ZNF423: variants seen among roughly 807,000 people sequenced by gnomAD.
ZNF423 encodes the protein Ebf-associated zinc finger protein.
In ZNF423, 12 loss-of-function variants were observed where a neutral mutation model predicts 95.8. That is an observed-to-expected ratio of 0.13 (90% CI 0.08 to 0.20). The LOEUF is 0.20. Ranked by LOEUF, ZNF423 falls within the 10% of genes least tolerant of loss-of-function variation. The pLI is 1.00. For synonymous variants in ZNF423, 749 were observed against 711.9 expected (o/e 1.05, Z -0.83); for missense variants, 1,316 against 1,737.1 (o/e 0.76, Z 4.31).
chr16:49,503,154 G>A (rs7194384), intron 7 of ZNF423, among the ~76,000 whole-genome samples: 22,420 of 151,788 alleles, frequency 0.15, 1,981 homozygotes, highest in African/African-American at 0.25. Flanking sequence ...TTGGCCTTCT[G>A]TCTACCCTGT....
At chr16:49,660,767 C>G (rs756135741) in intron 3 of ZNF423, among the ~76,000 whole-genome samples, 13 of 151,594 alleles carry the variant, frequency 8.6e-5, no homozygotes, top group Non-Finnish European at 1.8e-4. Flanking sequence ...CTCAGCTACA[C>G]AGCCTCAGCC....
intron 2 of ZNF423, among the ~76,000 whole-genome samples, chr16:49,748,514 A>G (rs2033568763): frequency 6.6e-6 from 1 of 152,180 alleles, no homozygotes; most frequent in East Asian, 1.9e-4. Context: ...GCCCCCTTCC[A>G]GGAGTGCACA....
At chr16:49,757,183 T>A (rs4785341) in intron 2 of ZNF423, among the ~76,000 whole-genome samples, 72,903 of 152,132 alleles carry the variant, frequency 0.48, 17,823 homozygotes, top group African/African-American at 0.57. Flanking sequence ...AATAGACTTT[T>A]AATCAACGCT....
intron 1 of ZNF423, chr16:49,822,634 T>G: frequency 1.3e-6 from 2 of 1,558,788 alleles, no homozygotes; most frequent in African/African-American, 1.4e-5. Flanking sequence ...CTACTTCCCT[T>G]GCCCCACCCC....
chr16:49,798,394 G>A (rs1203915458), intron 1 of ZNF423, among the ~76,000 whole-genome samples: 1 of 152,064 alleles, frequency 6.6e-6, no homozygotes, highest in African/African-American at 2.4e-5. Flanking sequence ...TATAATCCCA[G>A]CTACTCAGAA....
At chr16:49,522,974 G>T (rs1348247506) in intron 7 of ZNF423, among the ~76,000 whole-genome samples, 1 of 152,156 alleles carries the variant, frequency 6.6e-6, no homozygotes, top group Non-Finnish European at 1.5e-5. Context: ...GTGAAATGGG[G>T]CCCCATGGGA....
intron 5 of ZNF423, among the ~76,000 whole-genome samples, chr16:49,533,415 AG>A (rs1002615744): frequency 6.6e-6 from 1 of 152,216 alleles, no homozygotes; most frequent in African/African-American, 2.4e-5. Context: ...ATCTGGCCAA[AG>A]CCTGTCTCCA....
intron 2 of ZNF423, among the ~76,000 whole-genome samples, chr16:49,778,192 AGT>A (rs747649464): frequency 1.3e-5 from 2 of 151,582 alleles, no homozygotes; most frequent in South Asian, 4.2e-4. Context: ...TGTGTGTGAG[AGT>A]GTGTGTGTGT....
At chr16:49,556,862 C>G (rs934577302) in intron 5 of ZNF423, among the ~76,000 whole-genome samples, 1 of 152,224 alleles carries the variant, frequency 6.6e-6, no homozygotes, top group African/African-American at 2.4e-5. Context: ...GCACACTTTA[C>G]GGTGAACAGA....
rs116868856 is a variant in ZNF423, at chr16:49,836,314, T to C, written c.40+19421A>G. 4.1e-4 allele frequency among the ~76,000 whole-genome samples: 62 copies of C among 151,858 alleles called. 1 individual carries two copies. The East Asian group carries it at 0.011, about 27-fold the overall frequency. On this transcript the variant is annotated intron_variant, in intron 1 of 7. Transcript: ENST00000563137. The stretch of plus-strand genomic sequence containing the variant: ...TGGGACATCCTCCACCTCCAACCTG[T>C]CCAAGCTGCTTCTCTCCCAAGTGAG...
intron 5 of ZNF423, among the ~76,000 whole-genome samples, chr16:49,609,468 T>C (rs976982319): frequency 2.6e-5 from 4 of 151,938 alleles, no homozygotes; most frequent in African/African-American, 9.7e-5. Context: ...ACAATTATGA[T>C]CATCCTTGAA....
chr16:49,622,854 G>C (rs983394686), intron 5 of ZNF423, among the ~76,000 whole-genome samples: 1 of 152,240 alleles, frequency 6.6e-6, no homozygotes, highest in Non-Finnish European at 1.5e-5. Flanking sequence ...GTCAGTAGCA[G>C]CTGTTAGCAT....
intron 1 of ZNF423, among the ~76,000 whole-genome samples, chr16:49,839,260 GC>G (rs1369855660): frequency 6.6e-6 from 1 of 152,002 alleles, no homozygotes. Flanking sequence ...GGAAATCTCG[GC>G]CCCCACACCC....
At chr16:49,829,349 C>T (rs2035038810) in intron 1 of ZNF423, among the ~76,000 whole-genome samples, 1 of 152,180 alleles carries the variant, frequency 6.6e-6, no homozygotes, top group African/African-American at 2.4e-5. Flanking sequence ...AGGGAGTCCC[C>T]AGCAGTGTAA....
At chr16:49,789,681 A>G in intron 1 of ZNF423, 135 bp from the exon 2 acceptor site, 1 of 755,964 alleles carries the variant, frequency 1.3e-6, no homozygotes, top group East Asian at 3.2e-5. Context: ...GAGGGGGCAA[A>G]GCCTACAAAG....
chr16:49,752,602 C>G (rs2033653241), intron 2 of ZNF423, among the ~76,000 whole-genome samples: 1 of 152,216 alleles, frequency 6.6e-6, no homozygotes, highest in Admixed American at 6.5e-5. Context: ...CAGGAGGTCA[C>G]AGAGCACAGA....
At chr16:49,727,225 C>T (rs1421667397) in intron 3 of ZNF423, among the ~76,000 whole-genome samples, 1 of 152,210 alleles carries the variant, frequency 6.6e-6, no homozygotes, top group Non-Finnish European at 1.5e-5. Flanking sequence ...CACGCTTCAA[C>T]AGCTCATGGG....
intron 1 of ZNF423, among the ~76,000 whole-genome samples, chr16:49,830,014 G>A (rs2035045320): frequency 6.6e-6 from 1 of 152,182 alleles, no homozygotes; most frequent in African/African-American, 2.4e-5. Flanking sequence ...GGACAGTCGA[G>A]CGGCCACTGA....
At chr16:49,644,067 C>T (rs1011790067) in intron 3 of ZNF423, among the ~76,000 whole-genome samples, 1 of 152,186 alleles carries the variant, frequency 6.6e-6, no homozygotes, top group African/African-American at 2.4e-5. Context: ...CCACAGCTCA[C>T]GGCTCCTCTG....
Sources: gnomAD v4.1 joint callset for allele counts (sites outside exome capture counted in the v4.1 genomes callset) on GRCh38, gnomAD v4.1.1 for gene constraint, MANE v1.5 for transcripts, NCBI Gene and HGNC (gene_info 2026-07-23, HGNC 2026-07-21) for gene names.